Variants in GREB1L observed in about 807,000 individuals in gnomAD.
GREB1L encodes GREB1-like protein.
GREB1L carries 17 observed loss-of-function variants against 200.8 expected under a neutral mutation model. That is an observed-to-expected ratio of 0.08 (90% CI 0.06 to 0.13). The LOEUF (loss-of-function observed/expected upper bound fraction) is 0.13. Ranked by LOEUF, GREB1L falls within the 10% of genes least tolerant of loss-of-function variation. The pLI is 1.00. For synonymous variants in GREB1L, 789 were observed against 893.0 expected, an observed-to-expected ratio of 0.88 and a Z score of 2.08; for missense variants, 1,657 against 2,367.7, an observed-to-expected ratio of 0.70 and a Z score of 6.23.
chr18:21,390,371 T>G (rs554894478), intron 4 of GREB1L, among the ~76,000 whole-genome samples: 6 of 152,172 alleles, frequency 3.9e-5, no homozygotes, highest in Middle Eastern at 3.4e-3. Flanking sequence ...ATTATTATCA[T>G]AGGAGATGAC....
intron 21 of GREB1L, among the ~76,000 whole-genome samples, 167 bp from the exon 22 acceptor site, chr18:21,499,562 A>G (rs1598933079): frequency 1.3e-5 from 2 of 152,326 alleles, no homozygotes; most frequent in Non-Finnish European, 2.9e-5. Context: ...AGGGCAAGGA[A>G]GCAACACGGA....
intron 1 of GREB1L, among the ~76,000 whole-genome samples, chr18:21,294,757 A>G (rs1287060852): frequency 2.0e-5 from 3 of 152,148 alleles, no homozygotes; most frequent in African/African-American, 7.2e-5. Context: ...GTCATTTACA[A>G]TAGTCATTAG....
chr18:21,355,173 C>T (rs1475567931), intron 1 of GREB1L, among the ~76,000 whole-genome samples: 1 of 151,490 alleles, frequency 6.6e-6, no homozygotes, highest in Non-Finnish European at 1.5e-5. Context: ...CCTTTGGAAT[C>T]ACATGCTGTC....
At chr18:21,334,653 A>T (rs1263500680) in intron 1 of GREB1L, among the ~76,000 whole-genome samples, 1 of 152,012 alleles carries the variant, frequency 6.6e-6, no homozygotes, top group East Asian at 1.9e-4. Context: ...ACACGCCTGT[A>T]CTCCCAGCTA....
chr18:21,309,818 C>T (rs143915627), intron 1 of GREB1L, among the ~76,000 whole-genome samples: 1 of 152,194 alleles, frequency 6.6e-6, no homozygotes, highest in Non-Finnish European at 1.5e-5. Flanking sequence ...TTGGTTGTCA[C>T]ACTGAGGGAG....
intron 25 of GREB1L, among the ~76,000 whole-genome samples, 167 bp downstream of exon 25, chr18:21,506,116 T>C (rs528194693): frequency 2.6e-5 from 4 of 152,110 alleles, no homozygotes; most frequent in Admixed American, 2.0e-4. Context: ...GCATGAAGGC[T>C]GGGCGCGGTG....
Position 21,384,305 on chromosome 18 carries a change from T to C in GREB1L, c.257T>C (p.Met86Thr). ...DFSNNLTVNE[M>T]EDDEDDEEMS... is the part of the protein sequence containing the mutation. Reference sequence around the variant, plus strand: ...TCTAACAATCTAACAGTTAATGAAATGGAAGATGATGAAGACGATGAAGAA... The same window carrying C: ...TCTAACAATCTAACAGTTAATGAAACGGAAGATGATGAAGACGATGAAGAA... Residue 86 changes from methionine to threonine, a missense_variant, in exon 4 of 33, where the codon ATG (methionine) becomes ACG (threonine). By Grantham distance (81) the Met-to-Thr change is moderately conservative (BLOSUM62 -1). Coordinates refer to ENST00000424526, the MANE Select transcript of GREB1L (RefSeq NM_001142966.3). 2.6e-6 allele frequency: 4 copies of C among 1,551,222 alleles called. No homozygotes were observed. The South Asian group carries it at 4.8e-5, about 18-fold the overall frequency.
intron 1 of GREB1L, among the ~76,000 whole-genome samples, chr18:21,321,659 G>A (rs1278897148): frequency 6.6e-6 from 1 of 152,100 alleles, no homozygotes; most frequent in Non-Finnish European, 1.5e-5. Context: ...TGCACTCCAA[G>A]CCTGGGCGAC....
intron 26 of GREB1L, 45 bp downstream of exon 26, chr18:21,508,324 T>C (rs911372236): frequency 2.7e-5 from 42 of 1,550,696 alleles, no homozygotes; most frequent in Non-Finnish European, 3.6e-5. Context: ...CCTAGTTCTT[T>C]AAGCGTCTTC....
At chr18:21,280,281 T>C (rs1467225454) in intron 1 of GREB1L, among the ~76,000 whole-genome samples, 2 of 152,224 alleles carry the variant, frequency 1.3e-5, no homozygotes, top group African/African-American at 4.8e-5. Context: ...CAGAATGTCA[T>C]ATAGTTGGAA....
At chr18:21,443,183 G>A (rs1306416392) in intron 10 of GREB1L, among the ~76,000 whole-genome samples, 2 of 151,784 alleles carry the variant, frequency 1.3e-5, no homozygotes, top group East Asian at 1.9e-4. Flanking sequence ...GATTATAGGC[G>A]TGAGCTGCAC....
intron 19 of GREB1L, among the ~76,000 whole-genome samples, chr18:21,491,915 C>A (rs2036353053): frequency 6.6e-6 from 1 of 151,978 alleles, no homozygotes; most frequent in South Asian, 2.1e-4. Flanking sequence ...TACACGTTCA[C>A]AATTTTATGT....
intron 1 of GREB1L, among the ~76,000 whole-genome samples, chr18:21,334,540 T>C (rs1313016980): frequency 6.6e-6 from 1 of 152,148 alleles, no homozygotes; most frequent in Admixed American, 6.5e-5. Flanking sequence ...CACCCCATTA[T>C]TGATCACGAG....
At chr18:21,415,173 A>G (rs2031506129) in intron 7 of GREB1L, among the ~76,000 whole-genome samples, 1 of 152,176 alleles carries the variant, frequency 6.6e-6, no homozygotes, top group South Asian at 2.1e-4. Flanking sequence ...TCAACATAGT[A>G]TTACTTGGTA....
chr18:21,422,890 T>G (rs1022645572), intron 7 of GREB1L, among the ~76,000 whole-genome samples: 1 of 152,192 alleles, frequency 6.6e-6, no homozygotes, highest in Non-Finnish European at 1.5e-5. Context: ...AGTTTATTTA[T>G]TGAACTTTTG....
intron 4 of GREB1L, among the ~76,000 whole-genome samples, chr18:21,388,580 C>T (rs1468637866): frequency 3.9e-5 from 5 of 126,986 alleles, no homozygotes; most frequent in African/African-American, 1.1e-4. Flanking sequence ...CTTGCTCTAT[C>T]GCCCAGGCTG....
chr18:21,335,422 C>T (rs1386188000), intron 1 of GREB1L, among the ~76,000 whole-genome samples: 1 of 152,114 alleles, frequency 6.6e-6, no homozygotes, highest in South Asian at 2.1e-4. Context: ...AGAAGGTCTT[C>T]ATTCCAAAAA....
intron 25 of GREB1L, among the ~76,000 whole-genome samples, chr18:21,506,285 C>T (rs796268845): frequency 2.6e-5 from 4 of 152,102 alleles, no homozygotes; most frequent in African/African-American, 9.6e-5. Flanking sequence ...ATCCCAGCTA[C>T]TCAGGAGGCT....
intron 31 of GREB1L, 23 bp downstream of exon 31, chr18:21,518,257 T>G (rs1301178056): frequency 1.3e-6 from 2 of 1,542,488 alleles, no homozygotes; most frequent in Admixed American, 3.9e-5. Flanking sequence ...TGGGGGATAC[T>G]GTGCTTACCT....
Sources: allele counts gnomAD v4.1 joint callset (sites outside exome capture counted in the v4.1 genomes callset), GRCh38; gene constraint gnomAD v4.1.1; transcripts MANE v1.5; gene names NCBI Gene and HGNC (gene_info 2026-07-23, HGNC 2026-07-21).